Variants in ZNF415 observed in about 807,000 individuals in gnomAD.
ZNF415 encodes zinc finger protein 415.
In ZNF415, 5 loss-of-function variants were observed where a neutral mutation model predicts 7.3. The observed-to-expected ratio is 0.69, with a 90% CI of 0.36 to 1.44. ZNF415 has a LOEUF of 1.44. ZNF415 is among the 40% of genes most tolerant of loss of function. The probability of loss-of-function intolerance (pLI) is 0.04; values close to 1 mark genes in which losing one functional copy is unlikely to be tolerated. For missense variants in ZNF415, 628 were observed against 664.8 expected (o/e 0.94, Z 0.61); for synonymous variants, 207 against 226.3 (o/e 0.91, Z 0.77).
chr19:53,117,877 A>G (rs2087314236), intron 2 of ZNF415, among the ~76,000 whole-genome samples: 1 of 152,182 alleles, frequency 6.6e-6, no homozygotes, highest in Non-Finnish European at 1.5e-5. Context: ...CCAAACCACA[A>G]TGAAAAACAA....
intron 1 of ZNF415, among the ~76,000 whole-genome samples, chr19:53,125,864 G>A (rs2088987568): frequency 6.6e-6 from 1 of 151,900 alleles, no homozygotes; most frequent in African/African-American, 2.4e-5. Context: ...CTTGAACCTG[G>A]GAGGCAGAGG....
In ZNF415 at chr19:53,127,243, G is replaced by GGACTC. The variant is rs2089297005; in HGVS notation, c.-67-4505_-67-4501dup. On this transcript the variant is annotated intron_variant, in intron 1 of 3. Coordinates refer to ENST00000243643, the MANE Select transcript of ZNF415 (RefSeq NM_018355.4). ...ATTCTTAGGATCCCCGTTGCCCTCT[G>GGACTC]GACTCAGACACGCTTACAAACTCCC... 2.0e-5 allele frequency among the ~76,000 whole-genome samples: 3 copies of GGACTC among 151,930 alleles called. No homozygotes were observed. The South Asian group carries it at 6.2e-4, about 32-fold the overall frequency.
At chr19:53,112,266 T>A (rs1222539330) in intron 3 of ZNF415, among the ~76,000 whole-genome samples, 1 of 152,042 alleles carries the variant, frequency 6.6e-6, no homozygotes, top group Admixed American at 6.5e-5. Flanking sequence ...TTTAAGCACA[T>A]GTCCACCCAC....
Position 53,108,395 on chromosome 19 carries a change from T to G in ZNF415, c.1650A>C (p.Lys550Asn), listed in dbSNP as rs1326813724. ...TGCCATATTAATTTCTTTTATAAGG[T>G]TTCTCCTTAGTATGGATAATTTGAT... ...FRHQIIHTKE[K>N]PYKRN The change falls in exon 4 of 4, where the codon AAA becomes AAC. Residue 550 changes from lysine to asparagine, a missense_variant. Coordinates refer to ENST00000243643, the MANE Select transcript of ZNF415 (RefSeq NM_018355.4). 6.2e-7 allele frequency: 1 copy of G among 1,607,678 alleles called. No homozygotes were observed. Among genetic ancestry groups the G allele is most frequent in the Non-Finnish European group, 8.5e-7 (1 of 1,177,264 alleles).
intron 2 of ZNF415, chr19:53,122,353 C>A: frequency 6.6e-7 from 1 of 1,517,626 alleles, no homozygotes; most frequent in African/African-American, 1.4e-5. Flanking sequence ...CCAAATGTGG[C>A]CCCTGAACAA....
chr19:53,122,049 C>T (rs1601211300), intron 2 of ZNF415, among the ~76,000 whole-genome samples: 1 of 151,744 alleles, frequency 6.6e-6, no homozygotes. Flanking sequence ...GAGTTCGAGA[C>T]CAGCCTGACC....
Position 53,109,636 on chromosome 19 carries a change from G to GT in ZNF415, c.408dup (p.His137ThrfsTer13). On this transcript the variant is annotated frameshift_variant, in exon 4 of 4. Coordinates refer to ENST00000243643, the MANE Select transcript of ZNF415 (RefSeq NM_018355.4). LOFTEE classifies it low-confidence loss of function (END_TRUNC). ...GGTAGAAAGCTTAATCCAAGCTGAT[G>GT]TTTAATAGACTTGTTTCCTATACCT... The GT allele has an allele frequency of 6.2e-7, 1 of 1,614,110 alleles. No homozygotes were observed. The highest frequency in any genetic ancestry group is 8.5e-7 in the Non-Finnish European group (1 of 1,180,012).
intron 3 of ZNF415, among the ~76,000 whole-genome samples, chr19:53,114,610 A>C (rs1047704695): frequency 3.3e-5 from 5 of 152,194 alleles, no homozygotes; most frequent in South Asian, 2.1e-4. Context: ...ATTTTGAAAG[A>C]TCTTGAGATG....
chr19:53,120,985 G>C (rs528176739), intron 2 of ZNF415, among the ~76,000 whole-genome samples: 28 of 149,770 alleles, frequency 1.9e-4, no homozygotes, highest in African/African-American at 6.9e-4. Context: ...TCAGGAGGCT[G>C]AGGCAGGAGA....
intron 2 of ZNF415, 81 bp from the exon 3 acceptor site, chr19:53,116,514 G>C: frequency 6.4e-7 from 1 of 1,565,868 alleles, no homozygotes; most frequent in Non-Finnish European, 8.8e-7. Context: ...GAATAAAAGA[G>C]AATTTAAGTA....
intron 3 of ZNF415, 190 bp downstream of exon 3, chr19:53,116,123 A>G (rs2086972434): frequency 2.9e-6 from 2 of 687,066 alleles, no homozygotes; most frequent in Non-Finnish European, 4.9e-6. Context: ...CTGTTGTATC[A>G]TGAAGGGGTC....
At chr19:53,120,342 C>T (rs2087795702) in intron 2 of ZNF415, among the ~76,000 whole-genome samples, 1 of 152,090 alleles carries the variant, frequency 6.6e-6, no homozygotes, top group South Asian at 2.1e-4. Context: ...AATACGAAAA[C>T]GTGTAAATAT....
rs543176838 is a variant in ZNF415 at position 53,116,557 on chromosome 19, C to G, written c.16-124G>C. ...AATTGAAGTGTGTGTTCTGATAAAT[C>G]CACACTAAGGTATTTTTGAGTACAT... On this transcript the variant is annotated intron_variant, in intron 2 of 3. Coordinates refer to ENST00000243643, the MANE Select transcript of ZNF415 (RefSeq NM_018355.4). 110 of 1,276,122 alleles carry G rather than the reference C, an allele frequency of 8.6e-5. 3 individuals carry two copies. In the South Asian group the frequency reaches 1.5e-3, roughly 17 times the overall value. 79.0% of individuals were successfully genotyped at this position (1,276,122 alleles called of 1,614,324 possible).
rs767663226 is a variant in ZNF415, at chr19:53,109,853, T to C, written c.192A>G (p.Pro64=). Residue 64 remains proline, a synonymous_variant, in exon 4 of 4, where the codon CCA becomes CCG. Transcript: ENST00000243643. ...KELAPQQEGN[P]GEVFHTVTLE... is the part of the protein sequence containing the mutation. ...ATGTCACTGTGTGGAATACTTCTCC[T>C]GGGTTACCTTCCTGTTGTGGTGCTA... 2 of 1,611,516 alleles carry C rather than the reference T, an allele frequency of 1.2e-6. No individual in the cohort carries two copies. The highest frequency in any genetic ancestry group is 1.7e-6 in the Non-Finnish European group (2 of 1,179,212).
At chr19:53,132,500 T>A (rs1488743921) in intron 1 of ZNF415, among the ~76,000 whole-genome samples, 1 of 151,816 alleles carries the variant, frequency 6.6e-6, no homozygotes, top group Non-Finnish European at 1.5e-5. Context: ...GACGCAAGGC[T>A]CCCCGGGACT....
rs1447177961 is a variant in ZNF415 at position 53,108,423 on chromosome 19, C to A, written c.1622G>T (p.Arg541Ile). Residue 541 changes from arginine to isoleucine, a missense_variant, in exon 4 of 4, where the codon AGA (arginine) becomes ATA (isoleucine). By Grantham distance (97) the Arg-to-Ile change is moderately conservative (BLOSUM62 -3). Coordinates refer to ENST00000243643, the MANE Select transcript of ZNF415 (RefSeq NM_018355.4). ...KSFSVRPNLF[R>I]HQIIHTKEKP... Reference sequence around the variant, plus strand: ...CTCCTTAGTATGGATAATTTGATGTCTGAAGAGGTTTGGGCGCACACTAAA... The same window carrying A: ...CTCCTTAGTATGGATAATTTGATGTATGAAGAGGTTTGGGCGCACACTAAA... The A allele has an allele frequency of 6.2e-7, 1 of 1,614,084 alleles. No homozygotes were observed. The highest frequency in any genetic ancestry group is 1.1e-5 in the South Asian group (1 of 91,062).
intron 3 of ZNF415, 178 bp downstream of exon 3, chr19:53,116,135 G>T: frequency 1.3e-6 from 1 of 748,678 alleles, no homozygotes; most frequent in Non-Finnish European, 2.2e-6. Context: ...GAAGGGGTCA[G>T]AAAATCTGGA....
chr19:53,118,275 T>A (rs1416926193), intron 2 of ZNF415, among the ~76,000 whole-genome samples: 1 of 152,120 alleles, frequency 6.6e-6, no homozygotes, highest in Admixed American at 6.5e-5. Flanking sequence ...TCTAAACATA[T>A]ATGCACCCAA....
chr19:53,121,974 C>G (rs1397676167), intron 2 of ZNF415, among the ~76,000 whole-genome samples: 3 of 151,954 alleles, frequency 2.0e-5, no homozygotes, highest in Non-Finnish European at 4.4e-5. Flanking sequence ...AGGCCAGGCA[C>G]GGTGTCTCAT....
Sources: allele counts gnomAD v4.1 joint callset (sites outside exome capture counted in the v4.1 genomes callset), GRCh38; gene constraint gnomAD v4.1.1; transcripts MANE v1.5; gene names NCBI Gene and HGNC (gene_info 2026-07-23, HGNC 2026-07-21).